COL4A3: variants seen among roughly 807,000 people sequenced by gnomAD.
COL4A3 encodes collagen type IV alpha 3 chain.
COL4A3 carries 135 observed loss-of-function variants against 217.4 expected under a neutral mutation model. The ratio of observed to expected loss-of-function variants is 0.62; its 90% CI spans 0.54 to 0.72. The LOEUF (loss-of-function observed/expected upper bound fraction) is 0.72. COL4A3 is among the 30% of genes least tolerant of loss of function. The probability of loss-of-function intolerance (pLI) is 0.00; values close to 1 mark genes in which losing one functional copy is unlikely to be tolerated. For missense variants in COL4A3, 1,868 were observed against 2,119.9 expected (o/e 0.88, Z 2.33); for synonymous variants, 690 against 736.3 (o/e 0.94, Z 1.02).
At position 227,311,999 on chromosome 2, in the gene COL4A3, A is replaced by C; in HGVS notation, c.*129A>C. 1 of 1,483,016 alleles carries C rather than the reference A, an allele frequency of 6.7e-7. No homozygotes were observed. The highest frequency in any genetic ancestry group is 9.1e-7 in the Non-Finnish European group (1 of 1,093,930). 91.9% of individuals were successfully genotyped at this position (1,483,016 alleles called of 1,614,324 possible). A position where few individuals can be genotyped will look rare whatever the true frequency, so the allele number is the denominator to read the frequency against. On this transcript the variant is annotated 3_prime_UTR_variant, in exon 52 of 52. Coordinates refer to ENST00000396578, the MANE Select transcript of COL4A3 (RefSeq NM_000091.5). ...CCATGATGACTTAGTACAAAGTTTCAATTTGTTTCCCCACAAAACAAAGCA... is the reference window on the plus strand; with the variant it reads ...CCATGATGACTTAGTACAAAGTTTCCATTTGTTTCCCCACAAAACAAAGCA...
chr2:227,248,404 T>A (rs1194768148), intron 8 of COL4A3, 39 bp from the exon 9 acceptor site: 7 of 1,284,802 alleles, frequency 5.4e-6, no homozygotes, highest in Non-Finnish European at 8.0e-6. Flanking sequence ...TTTGAAAATA[T>A]AACATTGATG....
rs930023364 is a variant in COL4A3 at position 227,176,907 on chromosome 2, G to T, written c.87+12094G>T. ...TGCTGTTTGCTTATGCTGATATTGG[G>T]AAAGCTAAAGAACTTGCATGCTGGC... is the stretch of plus-strand genomic sequence containing the variant. On this transcript the variant is annotated intron_variant, in intron 1 of 51. Transcript: ENST00000396578. Among the ~76,000 whole-genome samples the T allele has an allele frequency of 2.0e-5, 3 of 152,128 alleles. No individual in the cohort carries two copies. In the East Asian group the frequency reaches 5.8e-4, roughly 29 times the overall value.
At chr2:227,248,613 A>G in intron 9 of COL4A3, 93 bp downstream of exon 9, 5 of 830,708 alleles carry the variant, frequency 6.0e-6, no homozygotes, top group East Asian at 2.5e-5. Context: ...CTTTTCCCCC[A>G]TAAGTCCCTC....
In COL4A3 at chr2:227,284,275, A is replaced by G; in HGVS notation, c.2811A>G (p.Gly937=). The part of the protein sequence containing the change: ...RGTPGAKGEQ[G]DKGNPGPSEI... ...CCCCAGGAGCCAAGGGGGAACAAGGAGATAAAGGAAATCCCGGGCCTTCAG... is the reference window on the plus strand; with the variant it reads ...CCCCAGGAGCCAAGGGGGAACAAGGGGATAAAGGAAATCCCGGGCCTTCAG... Residue 937 remains glycine, a synonymous_variant, in exon 34 of 52, where the codon GGA becomes GGG. Transcript: ENST00000396578. The G allele has an allele frequency of 1.2e-6, 2 of 1,614,162 alleles. No individual in the cohort carries two copies. Among genetic ancestry groups the G allele is most frequent in the Non-Finnish European group, 1.7e-6 (2 of 1,180,012 alleles).
At chr2:227,268,773 T>C (rs1345316118) in intron 23 of COL4A3, 1 of 151,978 alleles carries the variant, frequency 6.6e-6, no homozygotes, top group Non-Finnish European at 1.5e-5. Flanking sequence ...AAATGTTCTA[T>C]TAAAACAAAA....
intron 17 of COL4A3, chr2:227,256,647 AGCTT>A: frequency 1.5e-6 from 1 of 670,578 alleles, no homozygotes; most frequent in Non-Finnish European, 2.8e-6. Flanking sequence ...GTGAGAGTGC[AGCTT>A]CCCATGAGGA....
Position 227,261,234 on chromosome 2 carries a change from G to C in COL4A3, c.1150+117G>C, listed in dbSNP as rs928967170. ...AAATGTTTCATTAACTGATCTAGAA[G>C]TGTTTCCAGGCTGGGTTCAATGGCT... On this transcript the variant is annotated intron_variant, in intron 20 of 51. Coordinates refer to ENST00000396578, the MANE Select transcript of COL4A3 (RefSeq NM_000091.5). The C allele has an allele frequency of 7.4e-6, 7 of 943,156 alleles. No homozygotes were observed. The South Asian group carries it at 1.2e-4, about 16-fold the overall frequency. 58.4% of individuals were successfully genotyped at this position (943,156 alleles called of 1,614,324 possible). A position where few individuals can be genotyped will look rare whatever the true frequency, so the allele number is the denominator to read the frequency against.
At chr2:227,267,568 G>A (rs369955770) in intron 23 of COL4A3, among the ~76,000 whole-genome samples, 10 of 152,036 alleles carry the variant, frequency 6.6e-5, no homozygotes, top group Non-Finnish European at 8.8e-5. Flanking sequence ...AACATCCTCC[G>A]TGCTGGGGAC....
intron 1 of COL4A3, among the ~76,000 whole-genome samples, chr2:227,228,869 C>T (rs890073029): frequency 6.6e-6 from 1 of 152,158 alleles, no homozygotes; most frequent in East Asian, 1.9e-4. Flanking sequence ...GATAAACCCT[C>T]AACTCAGGAG....
At chr2:227,165,210 C>T (rs2065196817) in intron 1 of COL4A3, among the ~76,000 whole-genome samples, 1 of 152,152 alleles carries the variant, frequency 6.6e-6, no homozygotes, top group Non-Finnish European at 1.5e-5. Context: ...TGGCCCAGCG[C>T]ACAGAGGGCT....
Position 227,253,464 on chromosome 2 carries a change from A to AG in COL4A3, c.688-97_688-96insG. The AG allele has an allele frequency of 7.1e-7, 1 of 1,405,942 alleles. No individual in the cohort carries two copies. The highest frequency in any genetic ancestry group is 1.0e-6 in the Non-Finnish European group (1 of 990,322). The allele number at this position is 1,405,942 out of a possible 1,614,324, so 87.1% of individuals were successfully genotyped here. A position where few individuals can be genotyped will look rare whatever the true frequency, so the allele number is the denominator to read the frequency against. On this transcript the variant is annotated intron_variant, in intron 12 of 51. Coordinates refer to ENST00000396578, the MANE Select transcript of COL4A3 (RefSeq NM_000091.5). This position sits in a 1 kb window ranked among gnomAD's most constrained non-coding sequence, Gnocchi z 4.4. The stretch of plus-strand genomic sequence containing the variant: ...CTTCATTTGTTCTATCTTCCCGTAT[A>AG]AGCACTAAAGGGGAAAAGTAGACCT...
chr2:227,251,343 C>T lies in COL4A3; in HGVS notation c.617C>T (p.Pro206Leu). ...PPGPPGFFGF[P>L]GAMGPRGPKG... ...ATTTGTGGATTTTTCTAGGGCTTTC[C>T]AGGAGCCATGGGACCTAGAGGACCT... Residue 206 changes from proline (P) to leucine (L), a missense_variant, in exon 11 of 52, where the codon CCA (proline) becomes CTA (leucine). Pro to Leu is a moderately conservative substitution (Grantham distance 98). Coordinates refer to ENST00000396578, the MANE Select transcript of COL4A3 (RefSeq NM_000091.5). 6.2e-7 allele frequency: 1 copy of T among 1,613,182 alleles called. No individual in the cohort carries two copies. The highest frequency in any genetic ancestry group is 2.2e-5 in the East Asian group (1 of 44,852).
chr2:227,240,075 T>G, intron 2 of COL4A3, 68 bp from the exon 3 acceptor site: 4 of 1,209,118 alleles, frequency 3.3e-6, no homozygotes, highest in Non-Finnish European at 3.6e-6. Context: ...AACATAATGG[T>G]TATTGGTGTG....
intron 28 of COL4A3, chr2:227,279,518 A>G (rs2071807804): frequency 2.3e-6 from 1 of 437,272 alleles, no homozygotes; most frequent in Non-Finnish European, 4.1e-6. Flanking sequence ...TCAAAAACAA[A>G]GTCAAATGGT....
Position 227,205,151 on chromosome 2 carries a change from TC to T in COL4A3, c.88-32816del, listed in dbSNP as rs2067053345. ...CTTGAAATCCCAAGAGCTGATATAT[TC>T]TTTTATTTCATAGTTTAAAATAATC... is the stretch of plus-strand genomic sequence containing the variant. On this transcript the variant is annotated intron_variant, in intron 1 of 51. Transcript: ENST00000396578. 1.3e-5 allele frequency among the ~76,000 whole-genome samples: 2 copies of T among 152,206 alleles called. 1 individual carries two copies. The highest frequency in any genetic ancestry group is 4.8e-5 in the African/African-American group (2 of 41,452).
At chr2:227,304,789 G>A (rs115929343) in intron 46 of COL4A3, among the ~76,000 whole-genome samples, 196 bp from the exon 47 acceptor site, 104 of 152,234 alleles carry the variant, frequency 6.8e-4, no homozygotes, top group African/African-American at 2.3e-3. Context: ...GTTCATTTTC[G>A]AGAGTCTTAT....
intron 5 of COL4A3, among the ~76,000 whole-genome samples, chr2:227,245,318 A>G (rs984067733): frequency 1.3e-5 from 2 of 149,804 alleles, no homozygotes; most frequent in African/African-American, 4.9e-5. Flanking sequence ...AAAAAAAAAC[A>G]ATAAAAATTG....
chr2:227,300,605 G>A (rs2073238841), intron 43 of COL4A3, among the ~76,000 whole-genome samples: 2 of 152,126 alleles, frequency 1.3e-5, no homozygotes, highest in Admixed American at 1.3e-4. Flanking sequence ...GTGACTCAGG[G>A]ATCATAACTG....
intron 18 of COL4A3, 133 bp downstream of exon 18, chr2:227,257,777 G>A: frequency 1.2e-6 from 1 of 819,692 alleles, no homozygotes; most frequent in Non-Finnish European, 2.1e-6. Flanking sequence ...TCAAACCAGG[G>A]CAGAAAATAG....
Sources: allele counts gnomAD v4.1 joint callset (sites outside exome capture counted in the v4.1 genomes callset), GRCh38; gene constraint gnomAD v4.1.1; non-coding constraint Gnocchi (gnomAD v3.1); transcripts MANE v1.5; gene names NCBI Gene and HGNC (gene_info 2026-07-23, HGNC 2026-07-21).